Variants in ZNF444 observed in about 807,000 individuals in gnomAD.
ZNF444 encodes the protein zinc finger protein 444.
In ZNF444, 8 loss-of-function variants were observed where a neutral mutation model predicts 14.4. That is an observed-to-expected ratio of 0.56 (90% CI 0.33 to 1.00). The LOEUF is 1.00. ZNF444 is among the 50% of genes least tolerant of loss of function. The pLI is 0.03. For synonymous variants in ZNF444, 258 were observed against 235.9 expected (o/e 1.09, Z -0.86); for missense variants, 510 against 504.8 (o/e 1.01, Z -0.10).
At chr19:56,148,748 A>G (rs1299893431) in intron 3 of ZNF444, among the ~76,000 whole-genome samples, 2 of 152,134 alleles carry the variant, frequency 1.3e-5, no homozygotes, top group Non-Finnish European at 2.9e-5. Context: ...ACAAATCACA[A>G]ACGCAGCGGC....
upstream of ZNF444, among the ~76,000 whole-genome samples, chr19:56,140,657 T>G (rs2030739585): frequency 6.6e-6 from 1 of 151,974 alleles, no homozygotes. Flanking sequence ...CATCGGCCCT[T>G]AAGTTCTGCC....
chr19:56,160,440 CCTCT>C lies in ZNF444; in HGVS notation c.*246_*249del, dbSNP rs145803616. 208 of 475,248 alleles carry C rather than the reference CCTCT, an allele frequency of 4.4e-4. 1 individual carries two copies. The highest frequency in any genetic ancestry group is 3.0e-3 in the East Asian group (80 of 26,770). 29.4% of individuals were successfully genotyped at this position (475,248 alleles called of 1,614,324 possible). A position where few individuals can be genotyped will look rare whatever the true frequency, so the allele number is the denominator to read the frequency against. ...CCCCCCCTTCTCCCTGATTTCTCGG[CCTCT>C]CTCTCTGTGTGAAGGGGCCTCTCCC... On this transcript the variant is annotated 3_prime_UTR_variant, in exon 5 of 5. Coordinates refer to ENST00000337080, the MANE Select transcript of ZNF444 (RefSeq NM_018337.4).
chr19:56,159,579 C>G (rs1440557007), intron 4 of ZNF444, 45 bp from the exon 5 acceptor site: 1 of 1,412,206 alleles, frequency 7.1e-7, no homozygotes, highest in Admixed American at 3.0e-5. Flanking sequence ...TGTCCTTGCC[C>G]CGCCCTCGTG....
At chr19:56,137,245 C>T (rs1454710490), upstream of ZNF444, among the ~76,000 whole-genome samples, 6 of 150,230 alleles carry the variant, frequency 4.0e-5, no homozygotes, top group East Asian at 4.0e-4. Flanking sequence ...CCGAGGCGGG[C>T]GGATTACCTG....
Position 56,158,537 on chromosome 19 carries a change from C to T in ZNF444, c.341C>T (p.Pro114Leu), listed in dbSNP as rs1224761485. ...SPDGSSATRV[P>L]QDVTQGPGAT... Reference sequence around the variant, plus strand: ...GATGGGTCGTCAGCAACGAGGGTGCCTCAGGATGTGACGCAGGGCCCTGGG... The same window carrying T: ...GATGGGTCGTCAGCAACGAGGGTGCTTCAGGATGTGACGCAGGGCCCTGGG... Residue 114 changes from proline (P) to leucine (L), a missense_variant, in exon 4 of 5, where the codon CCT becomes CTT. Pro to Leu is a moderately conservative substitution (Grantham distance 98). Transcript: ENST00000337080. 11 of 1,612,158 alleles carry T rather than the reference C, an allele frequency of 6.8e-6. No homozygotes were observed. The South Asian group carries it at 9.9e-5, about 15-fold the overall frequency.
At chr19:56,140,192 C>A (rs1424389889), upstream of ZNF444, among the ~76,000 whole-genome samples, 3 of 152,022 alleles carry the variant, frequency 2.0e-5, no homozygotes. Flanking sequence ...GTTTTTATGG[C>A]GCGGAGTCTT....
chr19:56,147,944 C>A lies in ZNF444; in HGVS notation c.297+736C>A, dbSNP rs537782685. ...ACCCACCCACTCATGTCACCTGGGG[C>A]TGACACTTGCCACCGTGATGACCAC... On this transcript the variant is annotated intron_variant, in intron 3 of 4. Transcript: ENST00000337080. This position sits in a 1 kb window ranked among gnomAD's most constrained non-coding sequence, Gnocchi z 5.9. 6.6e-6 allele frequency among the ~76,000 whole-genome samples: 1 copy of A among 152,302 alleles called. No individual in the cohort carries two copies. Among genetic ancestry groups the A allele is most frequent in the South Asian group, 2.1e-4 (1 of 4,830 alleles).
intron 1 of ZNF444, among the ~76,000 whole-genome samples, chr19:56,132,935 CTTTTTTT>C (rs61365745): frequency 1.1e-5 from 1 of 94,262 alleles, no homozygotes; most frequent in Non-Finnish European, 1.9e-5. Context: ...TTCTTTCTTT[CTTTTTTT>C]TTTTTTTTTT....
chr19:56,159,467 C>T (rs980167153), intron 4 of ZNF444, among the ~76,000 whole-genome samples, 157 bp from the exon 5 acceptor site: 6 of 152,146 alleles, frequency 3.9e-5, no homozygotes, highest in African/African-American at 9.7e-5. Flanking sequence ...TACTAGGTAC[C>T]GGGACACAGG....
At chr19:56,133,696 C>A (rs1333666767) in intron 1 of ZNF444, among the ~76,000 whole-genome samples, 2 of 151,116 alleles carry the variant, frequency 1.3e-5, no homozygotes, top group East Asian at 2.0e-4. Context: ...ACCTGTAGTC[C>A]CAGCTACTCG....
intron 3 of ZNF444, among the ~76,000 whole-genome samples, chr19:56,152,595 G>A (rs768974800): frequency 4.6e-5 from 7 of 151,810 alleles, no homozygotes; most frequent in African/African-American, 1.5e-4. Context: ...GCTGGGTTGC[G>A]TGACGTCTTA....
upstream of ZNF444, among the ~76,000 whole-genome samples, chr19:56,138,390 GC>G (rs2030659281): frequency 1.5e-4 from 23 of 152,124 alleles, no homozygotes; most frequent in Non-Finnish European, 2.4e-4. Flanking sequence ...ACTTTGGGAG[GC>G]TGAGGCAGGT....
At chr19:56,148,045 C>CAG (rs60772303) in intron 3 of ZNF444, among the ~76,000 whole-genome samples, 35,103 of 152,058 alleles carry the variant, frequency 0.23, 4,665 homozygotes, top group East Asian at 0.61. Context: ...AGAGTCCTGT[C>CAG]GGGGGATGTG....
In ZNF444 at chr19:56,159,115, TCACCCATCCGTCCATCTAGTCATCCACC is replaced by T. The variant is rs1307149728; in HGVS notation, c.407-499_407-472del. ...CATGCATTCATCATCTACCCATCCA[TCACCCATCCGTCCATCTAGTCATCCACC>T]CACCCATCCATCATCTGTACATTCA... On this transcript the variant is annotated intron_variant, in intron 4 of 4. Transcript: ENST00000337080. Among the ~76,000 whole-genome samples, 10 of 150,940 alleles carry T rather than the reference TCACCCATCCGTCCATCTAGTCATCCACC, an allele frequency of 6.6e-5. 1 individual carries two copies. The highest frequency in any genetic ancestry group is 2.4e-4 in the African/African-American group (10 of 40,984).
At chr19:56,153,643 C>T (rs2031720517) in intron 3 of ZNF444, among the ~76,000 whole-genome samples, 1 of 152,094 alleles carries the variant, frequency 6.6e-6, no homozygotes, top group South Asian at 2.1e-4. Flanking sequence ...CTCAGGCACA[C>T]AATAGGGAAA....
In ZNF444 at chr19:56,160,238, C is replaced by A; in HGVS notation, c.*37C>A. On this transcript the variant is annotated 3_prime_UTR_variant, in exon 5 of 5. Coordinates refer to ENST00000337080, the MANE Select transcript of ZNF444 (RefSeq NM_018337.4). ...CCAGCGCCATCTCCCGCCCTTGGTG[C>A]TGCCCCCGGGCGGTACCTGCTCTCT... is the stretch of plus-strand genomic sequence containing the variant. 7.2e-7 allele frequency: 1 copy of A among 1,396,624 alleles called. No individual in the cohort carries two copies. The highest frequency in any genetic ancestry group is 9.2e-7 in the Non-Finnish European group (1 of 1,084,310). The allele number at this position is 1,396,624 out of a possible 1,614,324, so 86.5% of individuals were successfully genotyped here.
chr19:56,159,197 C>T (rs1159419483), intron 4 of ZNF444, among the ~76,000 whole-genome samples: 1 of 151,936 alleles, frequency 6.6e-6, no homozygotes, highest in Non-Finnish European at 1.5e-5. Context: ...ATGCATTCAT[C>T]ATCTACCCAT....
At position 56,158,520 on chromosome 19, in the gene ZNF444, G is replaced by A. The variant is rs61736530; in HGVS notation, c.324G>A (p.Ser108=). 4,359 of 1,611,394 alleles carry A rather than the reference G, an allele frequency of 2.7e-3. 106 individuals carry two copies. The African/African-American group carries it at 0.051, about 19-fold the overall frequency. The part of the protein sequence containing the change: ...LWGPAASPDG[S]SATRVPQDVT... Reference sequence around the variant, plus strand: ...GGCCAGCAGCCTCCCCCGATGGGTCGTCAGCAACGAGGGTGCCTCAGGATG... The same window carrying A: ...GGCCAGCAGCCTCCCCCGATGGGTCATCAGCAACGAGGGTGCCTCAGGATG... Residue 108 remains serine (S), a synonymous_variant, in exon 4 of 5, where the codon TCG becomes TCA. Coordinates refer to ENST00000337080, the MANE Select transcript of ZNF444 (RefSeq NM_018337.4).
chr19:56,140,639 G>A (rs1252102532), upstream of ZNF444, among the ~76,000 whole-genome samples: 1 of 152,160 alleles, frequency 6.6e-6, no homozygotes, highest in African/African-American at 2.4e-5. Context: ...CCTGATTCCT[G>A]GCACCGACAT....
Sources: gnomAD v4.1 joint callset for allele counts (sites outside exome capture counted in the v4.1 genomes callset) on GRCh38, gnomAD v4.1.1 for gene constraint, Gnocchi (gnomAD v3.1) non-coding constraint, MANE v1.5 for transcripts, NCBI Gene and HGNC (gene_info 2026-07-23, HGNC 2026-07-21) for gene names.